COLQ: variants seen among roughly 807,000 people sequenced by gnomAD.
COLQ encodes acetylcholinesterase collagenic tail peptide.
A neutral mutation model predicts 69.0 loss-of-function variants in COLQ; 48 were observed. That is an observed-to-expected ratio of 0.70 (90% CI 0.55 to 0.88). The LOEUF (loss-of-function observed/expected upper bound fraction) is 0.88. Ranked by LOEUF, COLQ falls within the 40% of genes least tolerant of loss-of-function variation. COLQ has a pLI of 0.00. For synonymous variants in COLQ, 217 were observed against 211.2 expected (o/e 1.03, Z -0.24); for missense variants, 618 against 594.6 (o/e 1.04, Z -0.41).
chr3:15,465,216 A>G (rs1391610049), intron 12 of COLQ, among the ~76,000 whole-genome samples: 2 of 149,258 alleles, frequency 1.3e-5, no homozygotes, highest in Admixed American at 6.7e-5. Context: ...GCCCTTCTCA[A>G]TAACAGACTT....
intron 1 of COLQ, chr3:15,498,691 T>C: frequency 6.5e-7 from 1 of 1,547,928 alleles, no homozygotes; most frequent in Non-Finnish European, 8.7e-7. Flanking sequence ...TGTTTGGCAT[T>C]AGGGGTGGGA....
intron 1 of COLQ, among the ~76,000 whole-genome samples, chr3:15,494,972 A>C (rs2062725588): frequency 6.6e-6 from 1 of 152,200 alleles, no homozygotes; most frequent in Non-Finnish European, 1.5e-5. Flanking sequence ...TACTCTTGTT[A>C]TCATCATCTC....
At chr3:15,502,890 A>G (rs754438195) in intron 1 of COLQ, among the ~76,000 whole-genome samples, 6 of 152,218 alleles carry the variant, frequency 3.9e-5, no homozygotes, top group Non-Finnish European at 8.8e-5. Context: ...ACGATGACCC[A>G]TGCTCAGCAT....
chr3:15,468,321 G>GTTTTTTTT (rs540716062), intron 11 of COLQ, among the ~76,000 whole-genome samples: 1 of 71,258 alleles, frequency 1.4e-5, no homozygotes, highest in Non-Finnish European at 2.5e-5. Context: ...AGTTACTGAA[G>GTTTTTTTT]TTTTTTTTTT....
intron 13 of COLQ, among the ~76,000 whole-genome samples, chr3:15,457,614 AAAGTAT>A (rs1253553190): frequency 1.6e-4 from 21 of 128,764 alleles, no homozygotes; most frequent in Non-Finnish European, 3.1e-4. Context: ...CTAAGATAAC[AAAGTAT>A]AACTTTTTTT....
chr3:15,486,772 G>A (rs560824482), intron 3 of COLQ, among the ~76,000 whole-genome samples: 7 of 152,258 alleles, frequency 4.6e-5, no homozygotes, highest in East Asian at 1.9e-4. Flanking sequence ...TACCAACCCC[G>A]TGCACTGTTG....
chr3:15,456,858 G>A (rs905677330), intron 13 of COLQ, among the ~76,000 whole-genome samples: 4 of 151,090 alleles, frequency 2.6e-5, no homozygotes, highest in Non-Finnish European at 5.9e-5. Flanking sequence ...AGTCTCACGC[G>A]GTTGCCCAGG....
At position 15,473,784 on chromosome 3, in the gene COLQ, C is replaced by T. The variant is rs1326515420; in HGVS notation, c.636+216G>A. 2.6e-5 allele frequency among the ~76,000 whole-genome samples: 4 copies of T among 152,210 alleles called. No individual in the cohort carries two copies. Among genetic ancestry groups the T allele is most frequent in the Non-Finnish European group, 4.4e-5 (3 of 68,050 alleles). ...AAAACCCAAAACCCAGATGGGTTGT[C>T]CTTTCCTTCCCATTGAGCTAGAGGG... On this transcript the variant is annotated intron_variant, in intron 10 of 16. Coordinates refer to ENST00000383788, the MANE Select transcript of COLQ (RefSeq NM_005677.4). This position sits in a 1 kb window ranked among gnomAD's most constrained non-coding sequence, Gnocchi z 4.0.
intron 1 of COLQ, among the ~76,000 whole-genome samples, chr3:15,501,874 C>T (rs1193743759): frequency 6.6e-6 from 1 of 152,226 alleles, no homozygotes; most frequent in Non-Finnish European, 1.5e-5. Flanking sequence ...TATAATTCCC[C>T]ACTTGTCCTT....
At chr3:15,513,661 A>G (rs1349380425) in intron 1 of COLQ, among the ~76,000 whole-genome samples, 1 of 152,096 alleles carries the variant, frequency 6.6e-6, no homozygotes, top group Non-Finnish European at 1.5e-5. Context: ...AACTACTTGC[A>G]CTCAAATCCT....
rs2125077126 is a variant in COLQ at position 15,451,569 on chromosome 3, A to G, written c.*75T>C. The G allele has an allele frequency of 7.3e-7, 1 of 1,366,916 alleles. No individual in the cohort carries two copies. The highest frequency in any genetic ancestry group is 2.3e-5 in the East Asian group (1 of 43,720). The allele number at this position is 1,366,916 out of a possible 1,614,324, so 84.7% of individuals were successfully genotyped here. ...AAAGGTTGGTGGAGACGGGGCCAGGACATGGCCAGTTTGATGACAGTGGAG... is the reference window on the plus strand; with the variant it reads ...AAAGGTTGGTGGAGACGGGGCCAGGGCATGGCCAGTTTGATGACAGTGGAG... On this transcript the variant is annotated 3_prime_UTR_variant, in exon 17 of 17. Coordinates refer to ENST00000383788, the MANE Select transcript of COLQ (RefSeq NM_005677.4).
At chr3:15,465,856 C>T (rs1029590346) in intron 12 of COLQ, among the ~76,000 whole-genome samples, 16 of 152,094 alleles carry the variant, frequency 1.1e-4, no homozygotes, top group African/African-American at 3.6e-4. Context: ...CTGCCCGTCT[C>T]GGCCTCCCAA....
intron 1 of COLQ, among the ~76,000 whole-genome samples, chr3:15,510,690 AGAGT>A (rs961683803): frequency 6.9e-6 from 1 of 144,104 alleles, no homozygotes; most frequent in Non-Finnish European, 1.5e-5. Context: ...GCCTGGTGAC[AGAGT>A]GAGACAAGGA....
At chr3:15,465,042 A>C (rs13096324) in intron 12 of COLQ, among the ~76,000 whole-genome samples, 75,795 of 151,194 alleles carry the variant, frequency 0.5, 19,604 homozygotes, top group East Asian at 0.62. Context: ...GGCGTGGTGG[A>C]AGGCACCTGT....
intron 5 of COLQ, chr3:15,478,728 T>C (rs2062423698): frequency 5.0e-6 from 3 of 596,346 alleles, no homozygotes; most frequent in Non-Finnish European, 9.0e-6. Context: ...GGGGTGGAAT[T>C]TGGCCAGGCT....
At chr3:15,453,447 G>C (rs1250664621) in intron 16 of COLQ, among the ~76,000 whole-genome samples, 3 of 152,222 alleles carry the variant, frequency 2.0e-5, no homozygotes, top group African/African-American at 7.2e-5. Flanking sequence ...TCTTGGAAAT[G>C]CCCTGAGACC....
intron 3 of COLQ, among the ~76,000 whole-genome samples, chr3:15,483,807 G>A (rs1032936325): frequency 7.9e-5 from 12 of 152,190 alleles, no homozygotes; most frequent in Non-Finnish European, 1.5e-4. Context: ...AATGTTGACA[G>A]TGGGGTGTTG....
At chr3:15,488,361 G>GTGACCCTTCCTCT in intron 2 of COLQ, 54 bp from the exon 3 acceptor site, 1 of 1,484,352 alleles carries the variant, frequency 6.7e-7, no homozygotes, top group Non-Finnish European at 9.3e-7. Context: ...ACAGAGGAAG[G>GTGACCCTTCCTCT]GTCACCATCC....
rs532688034 is a variant in COLQ, at chr3:15,452,501, C to A, written c.1299-788G>T. Among the ~76,000 whole-genome samples the A allele has an allele frequency of 3.3e-4, 50 of 152,308 alleles. 1 individual carries two copies. In the South Asian group the frequency reaches 8.3e-3, roughly 25 times the overall value. ...TGATCATCCGAGACAGGGCGTTAAA[C>A]CTTACAGGCACAGTCACAGGCGTCC... On this transcript the variant is annotated intron_variant, in intron 16 of 16. Coordinates refer to ENST00000383788, the MANE Select transcript of COLQ (RefSeq NM_005677.4).
Sources: gnomAD v4.1 joint callset for allele counts (sites outside exome capture counted in the v4.1 genomes callset) on GRCh38, gnomAD v4.1.1 for gene constraint, Gnocchi (gnomAD v3.1) non-coding constraint, MANE v1.5 for transcripts, NCBI Gene and HGNC (gene_info 2026-07-23, HGNC 2026-07-21) for gene names.